The following SLC35F3 variants were observed in gnomAD, a reference collection of about 807,000 sequenced individuals.
The protein encoded by SLC35F3 is putative thiamine transporter SLC35F3.
A neutral mutation model predicts 49.9 loss-of-function variants in SLC35F3; 25 were observed. That is an observed-to-expected ratio of 0.50 (90% confidence interval 0.37 to 0.70). The LOEUF is 0.70. Ranked by LOEUF, SLC35F3 falls within the 30% of genes least tolerant of loss-of-function variation. The probability of loss-of-function intolerance (pLI) is 0.00; values close to 1 mark genes in which losing one functional copy is unlikely to be tolerated. For synonymous variants in SLC35F3, 275 were observed against 265.4 expected (o/e 1.04, Z -0.35); for missense variants, 525 against 639.8 (o/e 0.82, Z 1.94).
chr1:234,034,788 G>C (rs2358207), intron 2 of SLC35F3, among the ~76,000 whole-genome samples: 19,667 of 152,232 alleles, frequency 0.13, 3,630 homozygotes, highest in African/African-American at 0.41. Flanking sequence ...TTCCCAAAGT[G>C]CTGGGATTAT....
At chr1:234,163,364 G>A (rs1666259746) in intron 2 of SLC35F3, among the ~76,000 whole-genome samples, 1 of 152,328 alleles carries the variant, frequency 6.6e-6, no homozygotes, top group African/African-American at 2.4e-5. Flanking sequence ...TCATGTGATA[G>A]GTGGCACAGG....
chr1:234,190,049 A>G lies in SLC35F3; in HGVS notation c.284-41368A>G, dbSNP rs952235865. Among the ~76,000 whole-genome samples, 3 of 152,232 alleles carry G rather than the reference A, an allele frequency of 2.0e-5. No homozygotes were observed. The East Asian group carries it at 5.8e-4, about 29-fold the overall frequency. ...TTCATCACTACCAAGCCAGCACTACAAGAACTGCTAAAAGGAGCTCTAAAT... is the reference window on the plus strand; with the variant it reads ...TTCATCACTACCAAGCCAGCACTACGAGAACTGCTAAAAGGAGCTCTAAAT... On this transcript the variant is annotated intron_variant, in intron 2 of 7. Coordinates refer to ENST00000366618, the MANE Select transcript of SLC35F3 (RefSeq NM_173508.4).
In SLC35F3 at chr1:234,188,237, CA is replaced by C. The variant is rs112150679; in HGVS notation, c.284-43165del. Among the ~76,000 whole-genome samples, 351 of 119,142 alleles carry C rather than the reference CA, an allele frequency of 2.9e-3. 1 individual carries two copies. Among genetic ancestry groups the C allele is most frequent in the Middle Eastern group, 4.5e-3 (1 of 220 alleles). 78.2% of individuals were successfully genotyped at this position (119,142 alleles called of 152,430 possible). On this transcript the variant is annotated intron_variant, in intron 2 of 7. Coordinates refer to ENST00000366618, the MANE Select transcript of SLC35F3 (RefSeq NM_173508.4). ...GGGCAACAAGAGCGAAACTCCGCCTCAAAAAAAAAAAAAAAGTCCTGCTTGC... is the reference window on the plus strand; with the variant it reads ...GGGCAACAAGAGCGAAACTCCGCCTCAAAAAAAAAAAAAAGTCCTGCTTGC...
At position 234,272,663 on chromosome 1, in the gene SLC35F3, T is replaced by C. The variant is rs139839156; in HGVS notation, c.609-36438T>C. Among the ~76,000 whole-genome samples, 390 of 152,370 alleles carry C rather than the reference T, an allele frequency of 2.6e-3. 1 individual carries two copies. The highest frequency in any genetic ancestry group is 9.0e-3 in the African/African-American group (373 of 41,596). On this transcript the variant is annotated intron_variant, in intron 3 of 7. Coordinates refer to ENST00000366618, the MANE Select transcript of SLC35F3 (RefSeq NM_173508.4). ...CCCAAAGAAGCTTTATTGCTCTTTC[T>C]GAAGATGCTTCTAGAACAGCATTGG...
chr1:234,106,832 G>C (rs1203971610), intron 2 of SLC35F3, among the ~76,000 whole-genome samples: 1 of 152,144 alleles, frequency 6.6e-6, no homozygotes, highest in Non-Finnish European at 1.5e-5. Flanking sequence ...GGGGAACTTT[G>C]CTGAGACACA....
chr1:234,213,244 G>A (rs4110479), intron 2 of SLC35F3: 44,618 of 152,106 alleles, frequency 0.29, 7,985 homozygotes, highest in East Asian at 0.78. Flanking sequence ...ATACAATGAA[G>A]TTTTAACTTT....
chr1:234,284,460 G>A (rs1668378993), intron 3 of SLC35F3, among the ~76,000 whole-genome samples: 1 of 152,166 alleles, frequency 6.6e-6, no homozygotes, highest in African/African-American at 2.4e-5. Context: ...CTCCCTGTGT[G>A]AGTGGTTACT....
chr1:233,905,805 T>C, intron 2 of SLC35F3, 47 bp downstream of exon 2: 3 of 1,525,856 alleles, frequency 2.0e-6, no homozygotes, highest in Non-Finnish European at 2.7e-6. Context: ...TCCATCTTCT[T>C]ACCATTGTCA....
intron 2 of SLC35F3, among the ~76,000 whole-genome samples, chr1:234,083,304 C>G (rs1664909059): frequency 6.6e-6 from 1 of 152,196 alleles, no homozygotes; most frequent in Non-Finnish European, 1.5e-5. Context: ...TCAGAGTATT[C>G]TGGTGTGGCT....
chr1:234,275,188 G>A (rs1393150093), intron 3 of SLC35F3, among the ~76,000 whole-genome samples: 1 of 152,156 alleles, frequency 6.6e-6, no homozygotes, highest in Non-Finnish European at 1.5e-5. Context: ...TTTGTTACAT[G>A]CACAAAATTC....
intron 2 of SLC35F3, among the ~76,000 whole-genome samples, chr1:234,138,812 A>G (rs2102901867): frequency 6.6e-6 from 1 of 152,244 alleles, no homozygotes; most frequent in South Asian, 2.1e-4. Context: ...CAGCCTCCCA[A>G]AGTGTTGGAA....
intron 2 of SLC35F3, among the ~76,000 whole-genome samples, chr1:234,173,051 G>T (rs1666425286): frequency 6.6e-6 from 1 of 152,116 alleles, no homozygotes; most frequent in African/African-American, 2.4e-5. Flanking sequence ...GACCTATTCA[G>T]ATTTCACCAA....
At chr1:234,190,363 A>T (rs1308619630) in intron 2 of SLC35F3, among the ~76,000 whole-genome samples, 1 of 152,240 alleles carries the variant, frequency 6.6e-6, no homozygotes, top group Non-Finnish European at 1.5e-5. Flanking sequence ...CTTAAGGTAA[A>T]GGGGTGGAAA....
Position 234,117,962 on chromosome 1 carries a change from GTGTA to G in SLC35F3, c.284-113453_284-113450del, listed in dbSNP as rs1437010864. On this transcript the variant is annotated intron_variant, in intron 2 of 7. Coordinates refer to ENST00000366618, the MANE Select transcript of SLC35F3 (RefSeq NM_173508.4). ...TGTGTGTGTGTGTGTGTGTGTGTGT[GTGTA>G]TATATATATAAAACCACAAGAAACT... Among the ~76,000 whole-genome samples the G allele has an allele frequency of 2.0e-3, 210 of 105,816 alleles. 3 individuals are homozygous for G. Among genetic ancestry groups the G allele is most frequent in the Non-Finnish European group, 3.1e-3 (149 of 48,432 alleles). The allele number at this position is 105,816 out of a possible 152,430, so 69.4% of individuals were successfully genotyped here.
intron 2 of SLC35F3, among the ~76,000 whole-genome samples, chr1:234,212,158 T>G (rs1279733029): frequency 6.6e-6 from 1 of 152,218 alleles, no homozygotes; most frequent in Admixed American, 6.5e-5. Context: ...TATAAGTCCA[T>G]TAAACCTCTT....
At chr1:234,045,887 A>G (rs758194098) in intron 2 of SLC35F3, among the ~76,000 whole-genome samples, 1 of 152,134 alleles carries the variant, frequency 6.6e-6, no homozygotes, top group Non-Finnish European at 1.5e-5. Flanking sequence ...CAAAATTTAT[A>G]TAAGTGCCAC....
chr1:233,976,728 A>G (rs548440862), intron 2 of SLC35F3, among the ~76,000 whole-genome samples: 70 of 152,202 alleles, frequency 4.6e-4, no homozygotes, highest in African/African-American at 1.6e-3. Context: ...CTCCTGCCTC[A>G]GCCTCCCAAG....
At chr1:234,054,748 G>T (rs888792864) in intron 2 of SLC35F3, among the ~76,000 whole-genome samples, 13 of 152,174 alleles carry the variant, frequency 8.5e-5, no homozygotes, top group Non-Finnish European at 7.4e-5. Flanking sequence ...CAGCTTTTCT[G>T]CTCTGGTTTC....
intron 3 of SLC35F3, among the ~76,000 whole-genome samples, chr1:234,259,638 C>T (rs963747808): frequency 6.6e-6 from 1 of 152,090 alleles, no homozygotes; most frequent in Non-Finnish European, 1.5e-5. Flanking sequence ...CGTGCCGCTG[C>T]ACTCCGGCCT....
Sources: gnomAD v4.1 joint callset for allele counts (sites outside exome capture counted in the v4.1 genomes callset) on GRCh38, gnomAD v4.1.1 for gene constraint, MANE v1.5 for transcripts, NCBI Gene and HGNC (gene_info 2026-07-23, HGNC 2026-07-21) for gene names.